Variants in SSR3 observed in about 807,000 individuals in gnomAD.
SSR3 encodes signal sequence receptor subunit 3.
In SSR3, 10 loss-of-function variants were observed where a neutral mutation model predicts 22.1. The observed-to-expected ratio is 0.45, with a 90% CI of 0.28 to 0.77. The LOEUF (loss-of-function observed/expected upper bound fraction) is 0.77. SSR3 is among the 30% of genes least tolerant of loss of function. The pLI is 0.13. For synonymous variants in SSR3, 104 were observed against 82.5 expected (o/e 1.26, Z -1.42); for missense variants, 181 against 220.5 (o/e 0.82, Z 1.13).
At chr3:156,548,010 G>A (rs575979566) in intron 3 of SSR3, among the ~76,000 whole-genome samples, 1 of 152,260 alleles carries the variant, frequency 6.6e-6, no homozygotes, top group East Asian at 1.9e-4. Flanking sequence ...TAAGAAAACC[G>A]TATTAAATAC....
chr3:156,544,077 T>A, intron 4 of SSR3: 3 of 405,072 alleles, frequency 7.4e-6, no homozygotes, highest in Non-Finnish European at 8.6e-6. Flanking sequence ...CAGATTCCCA[T>A]AGACTACTTT....
rs1719844388 is a variant in SSR3, at chr3:156,548,708, T to C, written c.359+197A>G. 4 of 650,390 alleles carry C rather than the reference T, an allele frequency of 6.2e-6. No individual in the cohort carries two copies. The South Asian group carries it at 8.8e-5, about 14-fold the overall frequency. 40.3% of individuals were successfully genotyped at this position (650,390 alleles called of 1,614,324 possible). ...CTCTTTAGAGGAATAAATCAACTAT[T>C]GTACAGCACAGATAAAAGTATCTGG... On this transcript the variant is annotated intron_variant, in intron 3 of 4. Coordinates refer to ENST00000265044, the MANE Select transcript of SSR3 (RefSeq NM_007107.5).
intron 2 of SSR3, among the ~76,000 whole-genome samples, chr3:156,552,479 G>A (rs985461247): frequency 3.3e-5 from 5 of 152,076 alleles, no homozygotes; most frequent in East Asian, 1.9e-4. Flanking sequence ...ATGGCAGGGC[G>A]GGCCCTAAAC....
At chr3:156,553,115 G>A (rs1432733342) in intron 2 of SSR3, among the ~76,000 whole-genome samples, 1 of 152,048 alleles carries the variant, frequency 6.6e-6, no homozygotes, top group Non-Finnish European at 1.5e-5. Context: ...AAATTAGCTG[G>A]GCATGGTAGC....
At position 156,544,357 on chromosome 3, in the gene SSR3, C is replaced by T. The variant is rs781493375; in HGVS notation, c.442G>A (p.Val148Met). ...IFYNNTLFLV[V>M]VIVASFFILK... ...ATGAAGAAGGAAGCAACAATGACCA[C>T]GACCAGGAACAGAGTGTTGTTATAG... The change falls in exon 4 of 5, where the codon GTG becomes ATG. Residue 148 changes from valine (V) to methionine (M), a missense_variant. Physicochemically the swap from Val to Met is conservative, Grantham distance 21 (BLOSUM62 1). Coordinates refer to ENST00000265044, the MANE Select transcript of SSR3 (RefSeq NM_007107.5). 3.1e-5 allele frequency: 50 copies of T among 1,595,136 alleles called. No homozygotes were observed. In the South Asian group the frequency reaches 3.8e-4, roughly 12 times the overall value.
At chr3:156,553,186 A>C (rs561903441) in intron 2 of SSR3, among the ~76,000 whole-genome samples, 1 of 152,270 alleles carries the variant, frequency 6.6e-6, no homozygotes, top group South Asian at 2.1e-4. Context: ...GAGCCTGGGA[A>C]GGTTGAGGCT....
chr3:156,554,941 C>G lies in SSR3; in HGVS notation c.133+16G>C. On this transcript the variant is annotated intron_variant, in intron 1 of 4. Transcript: ENST00000265044. ...AGCCGGCGGCCTGCCTAACCCGCCT[C>G]GCTCCCAGCACTCACAGATGGGGAT... is the stretch of plus-strand genomic sequence containing the variant. 6.2e-7 allele frequency: 1 copy of G among 1,610,694 alleles called. No homozygotes were observed. Among genetic ancestry groups the G allele is most frequent in the Non-Finnish European group, 8.5e-7 (1 of 1,178,664 alleles).
Position 156,543,263 on chromosome 3 carries a change from G to A in SSR3, c.498C>T (p.Tyr166=). 3 of 1,613,288 alleles carry A rather than the reference G, an allele frequency of 1.9e-6. No individual in the cohort carries two copies. The highest frequency in any genetic ancestry group is 2.5e-6 in the Non-Finnish European group (3 of 1,179,472). Residue 166 remains tyrosine (Y), a synonymous_variant, in exon 5 of 5, where the codon TAC becomes TAT. Coordinates refer to ENST00000265044, the MANE Select transcript of SSR3 (RefSeq NM_007107.5). ...CTGATGAAGCACTTATGGACAATAT[G>A]TAGTTCCTGTAAGAAATTTAATGTT... ...ILKNFNPTVN[Y]ILSISASSGL...
At position 156,539,703 on chromosome 3, in the gene SSR3, T is replaced by C. The variant is rs1444775020; in HGVS notation, c.*3500A>G. Among the ~76,000 whole-genome samples, 2 of 152,108 alleles carry C rather than the reference T, an allele frequency of 1.3e-5. No homozygotes were observed. The highest frequency in any genetic ancestry group is 4.8e-5 in the African/African-American group (2 of 41,410). ...CCCAAGGAAGTGAAAGAGAATCCCT[T>C]AGAGCTCTGATACATCTATAAATTG... is the stretch of plus-strand genomic sequence containing the variant. On this transcript the variant is annotated 3_prime_UTR_variant, in exon 5 of 5. Coordinates refer to ENST00000265044, the MANE Select transcript of SSR3 (RefSeq NM_007107.5).
In SSR3 at chr3:156,544,354, C is replaced by A. The variant is rs1310051776; in HGVS notation, c.445G>T (p.Val149Phe). The A allele has an allele frequency of 6.3e-7, 1 of 1,595,528 alleles. No homozygotes were observed. The highest frequency in any genetic ancestry group is 8.5e-7 in the Non-Finnish European group (1 of 1,170,658). ...FYNNTLFLVV[V>F]IVASFFILKN... ...AATATGAAGAAGGAAGCAACAATGA[C>A]CACGACCAGGAACAGAGTGTTGTTA... The change falls in exon 4 of 5, where the codon GTC (valine) becomes TTC (phenylalanine). Residue 149 changes from valine (V) to phenylalanine (F), a missense_variant. Coordinates refer to ENST00000265044, the MANE Select transcript of SSR3 (RefSeq NM_007107.5).
Position 156,555,045 on chromosome 3 carries a change from C to A in SSR3, c.45G>T (p.Leu15=). The A allele has an allele frequency of 6.2e-7, 1 of 1,614,026 alleles. No individual in the cohort carries two copies. Among genetic ancestry groups the A allele is most frequent in the Non-Finnish European group, 8.5e-7 (1 of 1,179,954 alleles). ...GSSKQQSEED[L]LLQDFSRNLS... ...GATTGCGGCTGAAATCCTGCAGGAGCAGGTCCTCCTCAGACTGCTGTTTGG... is the reference window on the plus strand; with the variant it reads ...GATTGCGGCTGAAATCCTGCAGGAGAAGGTCCTCCTCAGACTGCTGTTTGG... Residue 15 remains leucine (L), a synonymous_variant, in exon 1 of 5, where the codon CTG becomes CTT. Transcript: ENST00000265044.
chr3:156,549,192 T>C lies in SSR3; in HGVS notation c.261-189A>G, dbSNP rs74421883. On this transcript the variant is annotated intron_variant, in intron 2 of 4. Transcript: ENST00000265044. ...CTAGCCAAAAGAGAAGTTCGAGAAA[T>C]GTCCAAGATGTGGTTTATTAGTGAC... 4.3e-3 allele frequency: 2,104 copies of C among 487,466 alleles called. 29 individuals carry two copies. The highest frequency in any genetic ancestry group is 0.038 in the African/African-American group (1,915 of 51,064). 30.2% of individuals were successfully genotyped at this position (487,466 alleles called of 1,614,324 possible). A position where few individuals can be genotyped will look rare whatever the true frequency, so the allele number is the denominator to read the frequency against.
intron 3 of SSR3, 141 bp downstream of exon 3, chr3:156,548,764 A>C (rs1260191486): frequency 1.0e-6 from 1 of 975,942 alleles, no homozygotes; most frequent in African/African-American, 1.6e-5. Flanking sequence ...GTCAGCTATT[A>C]CTATTTCCAT....
chr3:156,552,945 T>G (rs945297770), intron 2 of SSR3, among the ~76,000 whole-genome samples: 69 of 152,212 alleles, frequency 4.5e-4, no homozygotes, highest in African/African-American at 1.6e-3. Flanking sequence ...AAAGCTGTAT[T>G]TTACAGTATG....
At position 156,540,877 on chromosome 3, in the gene SSR3, T is replaced by C. The variant is rs1002116560; in HGVS notation, c.*2326A>G. ...CATCTCTGTGTGCCACACAGAACTT[T>C]TAGACAAGAGTAGAGGGGAAAAGGT... On this transcript the variant is annotated 3_prime_UTR_variant, in exon 5 of 5. Coordinates refer to ENST00000265044, the MANE Select transcript of SSR3 (RefSeq NM_007107.5). 6.6e-6 allele frequency: 1 copy of C among 152,136 alleles called. No individual in the cohort carries two copies. The highest frequency in any genetic ancestry group is 2.4e-5 in the African/African-American group (1 of 41,432). 9.4% of individuals were successfully genotyped at this position (152,136 alleles called of 1,614,324 possible).
At chr3:156,553,625 T>C in intron 2 of SSR3, 30 bp downstream of exon 2, 2 of 1,605,412 alleles carry the variant, frequency 1.2e-6, no homozygotes, top group Non-Finnish European at 1.7e-6. Flanking sequence ...TAACATGTAG[T>C]ACGTACTTTC....
intron 3 of SSR3, 37 bp downstream of exon 3, chr3:156,548,868 C>G (rs1038988136): frequency 1.2e-6 from 2 of 1,600,938 alleles, no homozygotes; most frequent in Admixed American, 1.8e-5. Flanking sequence ...CAAAGTACCC[C>G]CTTTTATGAT....
In SSR3 at chr3:156,540,169, C is replaced by A. The variant is rs1576994693; in HGVS notation, c.*3034G>T. The stretch of plus-strand genomic sequence containing the variant: ...TTTTAAGAAGCAAAGTTTAATCATA[C>A]TTATTAAGCAAGACTTTTCACAAGA... On this transcript the variant is annotated 3_prime_UTR_variant, in exon 5 of 5. Transcript: ENST00000265044. The A allele has an allele frequency of 6.6e-6, 1 of 151,940 alleles. No individual in the cohort carries two copies. The highest frequency in any genetic ancestry group is 2.1e-4 in the South Asian group (1 of 4,788). The allele number at this position is 151,940 out of a possible 1,614,324, so 9.4% of individuals were successfully genotyped here. A position where few individuals can be genotyped will look rare whatever the true frequency, so the allele number is the denominator to read the frequency against.
At chr3:156,548,876 G>C (rs1719851023) in intron 3 of SSR3, 29 bp downstream of exon 3, 1 of 1,604,124 alleles carries the variant, frequency 6.2e-7, no homozygotes, top group South Asian at 1.1e-5. Flanking sequence ...CCCCTTTTAT[G>C]ATGGCCATAC....
Sources: gnomAD v4.1 joint callset for allele counts (sites outside exome capture counted in the v4.1 genomes callset) on GRCh38, gnomAD v4.1.1 for gene constraint, MANE v1.5 for transcripts, NCBI Gene and HGNC (gene_info 2026-07-23, HGNC 2026-07-21) for gene names.